The following AUTS2 variants were observed in gnomAD, a reference collection of about 807,000 sequenced individuals.
The protein encoded by AUTS2 is activator of transcription and developmental regulator AUTS2, also known as autism susceptibility gene 2 protein.
AUTS2 carries 17 observed loss-of-function variants against 112.4 expected under a neutral mutation model. The ratio of observed to expected loss-of-function variants is 0.15; its 90% CI spans 0.10 to 0.23. The LOEUF (loss-of-function observed/expected upper bound fraction) is 0.23. Ranked by LOEUF, AUTS2 falls within the 10% of genes least tolerant of loss-of-function variation. AUTS2 has a pLI of 1.00. For missense variants in AUTS2, 1,510 were observed against 1,701.6 expected (o/e 0.89, Z 1.98); for synonymous variants, 751 against 702.7 (o/e 1.07, Z -1.09).
chr7:70,315,569 G>A (rs961008285), intron 4 of AUTS2, among the ~76,000 whole-genome samples: 15 of 151,930 alleles, frequency 9.9e-5, no homozygotes, highest in African/African-American at 2.4e-4. Context: ...GGCCTCCTTC[G>A]GGAACCCAAA....
At chr7:70,265,189 T>C (rs1787358495) in intron 4 of AUTS2, among the ~76,000 whole-genome samples, 1 of 152,234 alleles carries the variant, frequency 6.6e-6, no homozygotes, top group African/African-American at 2.4e-5. Context: ...GCCTCGCTGC[T>C]AATTCTTATA....
intron 2 of AUTS2, among the ~76,000 whole-genome samples, chr7:70,020,406 T>G (rs1393172166): frequency 6.6e-6 from 1 of 152,212 alleles, no homozygotes. Context: ...CTATTTTTGA[T>G]GGACTCTGCA....
At chr7:70,452,651 A>G (rs1167616037) in intron 5 of AUTS2, among the ~76,000 whole-genome samples, 2 of 152,136 alleles carry the variant, frequency 1.3e-5, no homozygotes, top group Non-Finnish European at 2.9e-5. Context: ...AATGGGATCC[A>G]AAACATAAGT....
chr7:69,989,271 G>A (rs1190013356), intron 2 of AUTS2, among the ~76,000 whole-genome samples: 1 of 152,178 alleles, frequency 6.6e-6, no homozygotes, highest in East Asian at 1.9e-4. Flanking sequence ...TATATCATGA[G>A]TTATTACTGT....
chr7:69,817,293 G>T (rs1790805062), intron 1 of AUTS2, among the ~76,000 whole-genome samples: 1 of 152,198 alleles, frequency 6.6e-6, no homozygotes, highest in African/African-American at 2.4e-5. Context: ...CCAAGAACTC[G>T]GCTCTCTAGC....
chr7:70,306,076 A>G (rs1789480568), intron 4 of AUTS2, among the ~76,000 whole-genome samples: 1 of 152,220 alleles, frequency 6.6e-6, no homozygotes, highest in African/African-American at 2.4e-5. Context: ...TTTGGGAATC[A>G]TAGAATCACA....
At chr7:69,690,551 G>GC (rs2129178208) in intron 1 of AUTS2, among the ~76,000 whole-genome samples, 1 of 152,328 alleles carries the variant, frequency 6.6e-6, no homozygotes, top group East Asian at 1.9e-4. Context: ...AGCCAGGCAT[G>GC]CTGGCTGTGG....
At chr7:69,804,218 G>A (rs769747099) in intron 1 of AUTS2, among the ~76,000 whole-genome samples, 15 of 152,200 alleles carry the variant, frequency 9.9e-5, no homozygotes, top group Non-Finnish European at 2.2e-4. Flanking sequence ...AGATGGGAGT[G>A]TTGCTGGGGG....
At chr7:70,634,382 G>A (rs890397985) in intron 5 of AUTS2, among the ~76,000 whole-genome samples, 4 of 152,182 alleles carry the variant, frequency 2.6e-5, no homozygotes, top group Non-Finnish European at 4.4e-5. Context: ...CCAGAATGTC[G>A]AGTGTCCTGT....
At chr7:70,689,507 T>A (rs1808638286) in intron 5 of AUTS2, among the ~76,000 whole-genome samples, 1 of 152,112 alleles carries the variant, frequency 6.6e-6, no homozygotes, top group East Asian at 1.9e-4. Context: ...CCAGGCACGG[T>A]GGCTCATGCC....
chr7:69,782,435 G>C (rs1006666458), intron 1 of AUTS2, among the ~76,000 whole-genome samples: 1 of 150,602 alleles, frequency 6.6e-6, no homozygotes, highest in Non-Finnish European at 1.5e-5. Context: ...GTCTCATCCA[G>C]TCATGATGGT....
chr7:70,607,915 T>C (rs1297479901), intron 5 of AUTS2, among the ~76,000 whole-genome samples: 6 of 152,204 alleles, frequency 3.9e-5, no homozygotes, highest in African/African-American at 1.4e-4. Flanking sequence ...ATGTGGAATG[T>C]TGGTGGTCAA....
chr7:69,946,911 G>T (rs1378279666), intron 2 of AUTS2, among the ~76,000 whole-genome samples: 1 of 152,128 alleles, frequency 6.6e-6, no homozygotes, highest in African/African-American at 2.4e-5. Flanking sequence ...GCCTTGTGAG[G>T]CAAGGAAAGC....
At chr7:70,601,712 C>A (rs1255971213) in intron 5 of AUTS2, among the ~76,000 whole-genome samples, 1 of 152,096 alleles carries the variant, frequency 6.6e-6, no homozygotes, top group Non-Finnish European at 1.5e-5. Flanking sequence ...AAGTTGTGGG[C>A]AGACCTTCTA....
At chr7:69,931,220 T>A (rs1031698311) in intron 2 of AUTS2, among the ~76,000 whole-genome samples, 8 of 152,062 alleles carry the variant, frequency 5.3e-5, no homozygotes, top group Non-Finnish European at 7.4e-5. Flanking sequence ...TTCTTACATC[T>A]CCAGAACCTC....
chr7:69,907,914 T>C (rs1386125098), intron 2 of AUTS2, among the ~76,000 whole-genome samples: 3 of 152,244 alleles, frequency 2.0e-5, no homozygotes, highest in African/African-American at 7.2e-5. Context: ...CAGAGTTGTT[T>C]GCTAAAGCAT....
chr7:70,677,554 C>T (rs916674240), intron 5 of AUTS2, among the ~76,000 whole-genome samples: 3 of 152,108 alleles, frequency 2.0e-5, no homozygotes, highest in African/African-American at 7.2e-5. Flanking sequence ...CTTAGCTTTG[C>T]CCCGTGTCTC....
intron 2 of AUTS2, among the ~76,000 whole-genome samples, chr7:69,974,718 A>AG: frequency 6.6e-6 from 1 of 152,306 alleles, no homozygotes; most frequent in East Asian, 1.9e-4. Context: ...CATCTTCTTT[A>AG]ATAAGTCTAC....
chr7:69,957,763 TA>T (rs1797274851), intron 2 of AUTS2, among the ~76,000 whole-genome samples: 2 of 152,082 alleles, frequency 1.3e-5, no homozygotes, highest in African/African-American at 4.8e-5. Context: ...ACAAATTAGA[TA>T]ACAACCCTCC....
Sources: allele counts gnomAD v4.1 joint callset (sites outside exome capture counted in the v4.1 genomes callset), GRCh38; gene constraint gnomAD v4.1.1; transcripts MANE v1.5; gene names NCBI Gene and HGNC (gene_info 2026-07-23, HGNC 2026-07-21).